Variants in MSRA observed in about 807,000 individuals in gnomAD.
MSRA encodes the protein mitochondrial peptide methionine sulfoxide reductase.
A neutral mutation model predicts 31.3 loss-of-function variants in MSRA; 54 were observed. The observed-to-expected ratio is 1.73, with a 90% CI of 1.39 to 2.17. The LOEUF is 2.17. Ranked by LOEUF, MSRA falls within the 30% of genes most tolerant of loss-of-function variation. The probability of loss-of-function intolerance (pLI) is 0.00; values close to 1 mark genes in which losing one functional copy is unlikely to be tolerated. For synonymous variants in MSRA, 169 were observed against 116.5 expected, an observed-to-expected ratio of 1.45 and a Z score of -2.90; for missense variants, 507 against 300.9, an observed-to-expected ratio of 1.69 and a Z score of -5.07.
intron 1 of MSRA, among the ~76,000 whole-genome samples, chr8:10,127,745 G>A (rs1801603393): frequency 6.6e-6 from 1 of 152,226 alleles, no homozygotes; most frequent in South Asian, 2.1e-4. Flanking sequence ...TTGTGGTTAA[G>A]TAGAAGAAAT....
intron 5 of MSRA, among the ~76,000 whole-genome samples, chr8:10,405,938 TCA>T (rs747812830): frequency 2.6e-5 from 4 of 152,202 alleles, no homozygotes; most frequent in Admixed American, 6.5e-5. Context: ...TCACATGTGC[TCA>T]CACACACACA....
In MSRA at chr8:10,271,987, C is replaced by T. The variant is rs184472125; in HGVS notation, c.331+26764C>T. On this transcript the variant is annotated intron_variant, in intron 3 of 5. Transcript: ENST00000317173. ...CCTCCCAAAGTGCTGGGATTACAGG[C>T]GTGAGCCACTGTGCCCGGCCAGGTA... Among the ~76,000 whole-genome samples, 64 of 152,292 alleles carry T rather than the reference C, an allele frequency of 4.2e-4. 2 individuals carry two copies. The South Asian group carries it at 0.012, about 30-fold the overall frequency.
At chr8:10,415,869 C>T (rs1248345764) in intron 5 of MSRA, among the ~76,000 whole-genome samples, 1 of 152,052 alleles carries the variant, frequency 6.6e-6, no homozygotes, top group Non-Finnish European at 1.5e-5. Flanking sequence ...CCTCCTCCTG[C>T]AATTTCCCAG....
At chr8:10,267,543 C>T (rs1270959015) in intron 3 of MSRA, among the ~76,000 whole-genome samples, 1 of 152,070 alleles carries the variant, frequency 6.6e-6, no homozygotes, top group Non-Finnish European at 1.5e-5. Flanking sequence ...AGGGCTGGGG[C>T]AAGTGGATTT....
At chr8:10,191,219 A>T (rs545233005) in intron 1 of MSRA, among the ~76,000 whole-genome samples, 2 of 152,312 alleles carry the variant, frequency 1.3e-5, no homozygotes, top group East Asian at 3.9e-4. Flanking sequence ...AGACATCATT[A>T]TGAATAGGAA....
intron 1 of MSRA, among the ~76,000 whole-genome samples, chr8:10,087,590 C>T (rs1022957919): frequency 1.3e-5 from 2 of 152,198 alleles, no homozygotes; most frequent in Admixed American, 6.5e-5. Flanking sequence ...TGGTCCATAA[C>T]TCATTTGTCT....
chr8:10,096,598 T>C (rs1394445479), intron 1 of MSRA, among the ~76,000 whole-genome samples: 1 of 152,258 alleles, frequency 6.6e-6, no homozygotes, highest in African/African-American at 2.4e-5. Flanking sequence ...AAACGATTAC[T>C]GTAGCCTGGC....
chr8:10,339,185 C>A (rs756408233), intron 5 of MSRA, among the ~76,000 whole-genome samples: 2 of 152,220 alleles, frequency 1.3e-5, no homozygotes, highest in Admixed American at 1.3e-4. Flanking sequence ...GGAATGAAAA[C>A]TGTAAGTCAG....
intron 3 of MSRA, among the ~76,000 whole-genome samples, chr8:10,287,791 G>A (rs1302454624): frequency 6.6e-6 from 1 of 152,116 alleles, no homozygotes; most frequent in East Asian, 1.9e-4. Flanking sequence ...AGGGGTCAAG[G>A]GGACCATGGT....
chr8:10,185,143 C>A (rs993868957), intron 1 of MSRA, among the ~76,000 whole-genome samples: 6 of 152,200 alleles, frequency 3.9e-5, no homozygotes, highest in African/African-American at 1.4e-4. Flanking sequence ...GATCTCTCAT[C>A]TCTGGAGATG....
At chr8:10,320,691 T>G (rs1458012317) in intron 5 of MSRA, among the ~76,000 whole-genome samples, 1 of 152,200 alleles carries the variant, frequency 6.6e-6, no homozygotes, top group Non-Finnish European at 1.5e-5. Context: ...TTTCTCACAA[T>G]TCTGGAGGCT....
rs139277535 is a variant in MSRA at position 10,204,831 on chromosome 8, C to A, written c.143-3002C>A. ...AACAAATACTCATCAAATGCCCGTT[C>A]TGTGTCCATACGCTGAGAGAGGATT... is the stretch of plus-strand genomic sequence containing the variant. On this transcript the variant is annotated intron_variant, in intron 1 of 5. Transcript: ENST00000317173. Among the ~76,000 whole-genome samples, 739 of 152,342 alleles carry A rather than the reference C, an allele frequency of 4.9e-3. 4 individuals carry two copies. Among genetic ancestry groups the A allele is most frequent in the Middle Eastern group, 0.017 (5 of 294 alleles).
At chr8:10,196,662 G>A (rs764290166) in intron 1 of MSRA, among the ~76,000 whole-genome samples, 1 of 151,992 alleles carries the variant, frequency 6.6e-6, no homozygotes, top group Non-Finnish European at 1.5e-5. Flanking sequence ...CCATTTTCCT[G>A]CCTCACCCTC....
At chr8:10,146,813 G>C (rs1300259910) in intron 1 of MSRA, among the ~76,000 whole-genome samples, 2 of 152,340 alleles carry the variant, frequency 1.3e-5, no homozygotes, top group East Asian at 1.9e-4. Context: ...GCTGGACATA[G>C]CGTTCAGCTG....
At chr8:10,342,217 G>C (rs1408639562) in intron 5 of MSRA, among the ~76,000 whole-genome samples, 1 of 152,204 alleles carries the variant, frequency 6.6e-6, no homozygotes, top group Non-Finnish European at 1.5e-5. Flanking sequence ...TTGAGCAGCA[G>C]TTCTCAGACT....
intron 5 of MSRA, among the ~76,000 whole-genome samples, chr8:10,408,361 AC>A: frequency 6.6e-6 from 1 of 152,098 alleles, no homozygotes; most frequent in African/African-American, 2.4e-5. Flanking sequence ...ATGCGGTGAA[AC>A]CCTGTCTCTA....
intron 5 of MSRA, among the ~76,000 whole-genome samples, chr8:10,345,878 A>G: frequency 6.6e-6 from 1 of 152,204 alleles, no homozygotes; most frequent in East Asian, 1.9e-4. Flanking sequence ...AGCTTACTCA[A>G]GTCTTTATTT....
intron 5 of MSRA, among the ~76,000 whole-genome samples, chr8:10,335,975 T>C (rs2129146999): frequency 6.6e-6 from 1 of 152,268 alleles, no homozygotes; most frequent in South Asian, 2.1e-4. Flanking sequence ...GCTCTGTGCA[T>C]GCTCTTTCCA....
At chr8:10,382,104 A>G (rs779945299) in intron 5 of MSRA, among the ~76,000 whole-genome samples, 14 of 152,342 alleles carry the variant, frequency 9.2e-5, no homozygotes, top group South Asian at 4.1e-4. Context: ...TAGAAGCTCT[A>G]CTGCCCCCAG....
Sources: allele counts gnomAD v4.1 joint callset (sites outside exome capture counted in the v4.1 genomes callset), GRCh38; gene constraint gnomAD v4.1.1; transcripts MANE v1.5; gene names NCBI Gene and HGNC (gene_info 2026-07-23, HGNC 2026-07-21).